The following CDC42EP3 variants were observed in gnomAD, a reference collection of about 807,000 sequenced individuals.
The protein encoded by CDC42EP3 is CDC42 effector protein (Rho GTPase binding) 3.
In CDC42EP3, 4 loss-of-function variants were observed where a neutral mutation model predicts 15.5. The ratio of observed to expected loss-of-function variants is 0.26; its 90% confidence interval spans 0.13 to 0.59. The LOEUF (loss-of-function observed/expected upper bound fraction) is 0.59. Ranked by LOEUF, CDC42EP3 falls within the 20% of genes least tolerant of loss-of-function variation. CDC42EP3 has a pLI of 0.89. For missense variants in CDC42EP3, 309 were observed against 311.2 expected, an observed-to-expected ratio of 0.99 and a Z score of 0.05; for synonymous variants, 145 against 130.3, an observed-to-expected ratio of 1.11 and a Z score of -0.77.
chr2:37,648,619 A>G (rs996922235), intron 1 of CDC42EP3, among the ~76,000 whole-genome samples: 3 of 152,216 alleles, frequency 2.0e-5, no homozygotes, highest in African/African-American at 7.2e-5. Flanking sequence ...AGAAAGTACG[A>G]GGAGGTTTGC....
At chr2:37,662,830 T>A (rs1435738790) in intron 1 of CDC42EP3, among the ~76,000 whole-genome samples, 1 of 152,208 alleles carries the variant, frequency 6.6e-6, no homozygotes, top group African/African-American at 2.4e-5. Flanking sequence ...GAGTGAGCCA[T>A]GTGCCTCTCG....
intron 1 of CDC42EP3, among the ~76,000 whole-genome samples, chr2:37,655,426 A>C (rs534236893): frequency 6.6e-6 from 1 of 152,358 alleles, no homozygotes; most frequent in South Asian, 2.1e-4. Flanking sequence ...TCTTAGAAGC[A>C]AAATTGGAAG....
rs183734740 is a variant in CDC42EP3, at chr2:37,645,238, T to G, written c.*585A>C. 6.5e-6 allele frequency: 1 copy of G among 152,690 alleles called. No individual in the cohort carries two copies. Among genetic ancestry groups the G allele is most frequent in the Admixed American group, 6.5e-5 (1 of 15,306 alleles). 9.5% of individuals were successfully genotyped at this position (152,690 alleles called of 1,614,324 possible). ...ATACTTTGCCTGTGTCTTACCAACA[T>G]GTAGCTGACAGTCAAAATTTTGCAA... On this transcript the variant is annotated 3_prime_UTR_variant, in exon 2 of 2. Transcript: ENST00000295324.
At chr2:37,663,072 G>A (rs13401243) in intron 1 of CDC42EP3, among the ~76,000 whole-genome samples, 1,946 of 152,356 alleles carry the variant, frequency 0.013, 32 homozygotes, top group African/African-American at 0.043. Context: ...GGCTGAGGCA[G>A]GAGAATCTCT....
rs1212167611 is a variant in CDC42EP3 at position 37,657,778 on chromosome 2, G to A, written c.-235-10956C>T. On this transcript the variant is annotated intron_variant, in intron 1 of 1. Transcript: ENST00000295324. ...CCCTATGCGATATTTGGCAATGTCT[G>A]GGAATATTGTGGGTTTTCGTGACTG... Among the ~76,000 whole-genome samples, 5 of 152,134 alleles carry A rather than the reference G, an allele frequency of 3.3e-5. No individual in the cohort carries two copies. In the South Asian group the frequency reaches 1.0e-3, roughly 32 times the overall value.
At chr2:37,669,171 C>T (rs914242600) in intron 1 of CDC42EP3, among the ~76,000 whole-genome samples, 3 of 149,704 alleles carry the variant, frequency 2.0e-5, no homozygotes, top group Admixed American at 6.7e-5. Flanking sequence ...AATTATATTC[C>T]ACCCACTGGA....
At position 37,646,115 on chromosome 2, in the gene CDC42EP3, C is replaced by G; in HGVS notation, c.473G>C (p.Ser158Thr). The G allele has an allele frequency of 6.2e-7, 1 of 1,614,230 alleles. No homozygotes were observed. Among genetic ancestry groups the G allele is most frequent in the Non-Finnish European group, 8.5e-7 (1 of 1,180,048 alleles). Residue 158 changes from serine to threonine, a missense_variant, in exon 2 of 2, where the codon AGT (serine) becomes ACT (threonine). Ser to Thr is a moderately conservative substitution (Grantham distance 58). Transcript: ENST00000295324. The part of the protein sequence containing the change: ...VMEEKAQEKS[S>T]LLENGTVHQG... ...GTGGACTGTCCCATTCTCCAACAGA[C>G]TGCTTTTCTCCTGAGCTTTTTCCTC... is the stretch of plus-strand genomic sequence containing the variant.
intron 1 of CDC42EP3, among the ~76,000 whole-genome samples, chr2:37,653,735 GATTA>G (rs927852412): frequency 2.7e-4 from 41 of 150,678 alleles, no homozygotes; most frequent in African/African-American, 6.4e-4. Context: ...ATTGTTTTTA[GATTA>G]ATTCTTAGTG....
At chr2:37,658,849 C>T (rs916918369) in intron 1 of CDC42EP3, among the ~76,000 whole-genome samples, 2 of 149,848 alleles carry the variant, frequency 1.3e-5, no homozygotes, top group Non-Finnish European at 3.0e-5. Flanking sequence ...CTCCCCGGTC[C>T]TTCCACCTTA....
chr2:37,663,351 G>A (rs1666139270), intron 1 of CDC42EP3, among the ~76,000 whole-genome samples: 2 of 152,172 alleles, frequency 1.3e-5, no homozygotes, highest in South Asian at 4.1e-4. Context: ...AGAGACTGAC[G>A]CTAATATAAC....
intron 1 of CDC42EP3, among the ~76,000 whole-genome samples, chr2:37,664,608 T>C (rs1312835874): frequency 6.6e-6 from 1 of 152,212 alleles, no homozygotes. Context: ...TGAGGAGATA[T>C]GCTACAGAAA....
intron 1 of CDC42EP3, among the ~76,000 whole-genome samples, chr2:37,665,339 G>A (rs1666217642): frequency 6.6e-6 from 1 of 151,044 alleles, no homozygotes; most frequent in Non-Finnish European, 1.5e-5. Context: ...GTGATGGGAT[G>A]GAGCCTGCCC....
intron 1 of CDC42EP3, 24 bp downstream of exon 1, chr2:37,671,402 G>A (rs1666414622): frequency 1.3e-5 from 2 of 152,442 alleles, no homozygotes; most frequent in South Asian, 2.1e-4. Context: ...AGAGAGGAAG[G>A]AGCCCTGGGC....
intron 1 of CDC42EP3, among the ~76,000 whole-genome samples, chr2:37,651,225 T>C (rs1665667355): frequency 6.6e-6 from 1 of 152,202 alleles, no homozygotes; most frequent in Non-Finnish European, 1.5e-5. Context: ...ATAGTGACTG[T>C]CCACAGAGAG....
chr2:37,646,119 T>A lies in CDC42EP3; in HGVS notation c.469A>T (p.Ser157Cys). 2 of 1,614,190 alleles carry A rather than the reference T, an allele frequency of 1.2e-6. No individual in the cohort carries two copies. Among genetic ancestry groups the A allele is most frequent in the Non-Finnish European group, 1.7e-6 (2 of 1,180,024 alleles). ...PVMEEKAQEK[S>C]SLLENGTVHQ... Reference sequence around the variant, plus strand: ...ACTGTCCCATTCTCCAACAGACTGCTTTTCTCCTGAGCTTTTTCCTCCATG... The same window carrying A: ...ACTGTCCCATTCTCCAACAGACTGCATTTCTCCTGAGCTTTTTCCTCCATG... Residue 157 changes from serine (S) to cysteine (C), a missense_variant, in exon 2 of 2, where the codon AGC (serine) becomes TGC (cysteine). Transcript: ENST00000295324.
intron 1 of CDC42EP3, among the ~76,000 whole-genome samples, chr2:37,669,801 G>A (rs1039090107): frequency 5.9e-5 from 9 of 152,196 alleles, no homozygotes; most frequent in African/African-American, 1.9e-4. Context: ...TGGGAAACCC[G>A]CATTCTTTGG....
In CDC42EP3 at chr2:37,644,530, T is replaced by C. The variant is rs1372380946; in HGVS notation, c.*1293A>G. 1 of 151,624 alleles carries C rather than the reference T, an allele frequency of 6.6e-6. No homozygotes were observed. Among genetic ancestry groups the C allele is most frequent in the Non-Finnish European group, 1.5e-5 (1 of 67,978 alleles). The allele number at this position is 151,624 out of a possible 1,614,324, so 9.4% of individuals were successfully genotyped here. ...TGAAAAGACATTTGCCTTACAGGGA[T>C]GAAACTGGACTTGCAAGAGTTTGCT... On this transcript the variant is annotated 3_prime_UTR_variant, in exon 2 of 2. Transcript: ENST00000295324.
rs547681646 is a variant in CDC42EP3, at chr2:37,663,322, A to AT, written c.-236+8103dup. On this transcript the variant is annotated intron_variant, in intron 1 of 1. Transcript: ENST00000295324. ...TATTCTAGAAGTTGAGGCCGCAGCAATGATGCACTCCACTGTGGAGAGACT... is the reference window on the plus strand; with the variant it reads ...TATTCTAGAAGTTGAGGCCGCAGCAATTGATGCACTCCACTGTGGAGAGACT... Among the ~76,000 whole-genome samples the AT allele has an allele frequency of 2.4e-4, 37 of 152,370 alleles. 1 individual carries two copies. The East Asian group carries it at 6.2e-3, about 25-fold the overall frequency.
intron 1 of CDC42EP3, among the ~76,000 whole-genome samples, chr2:37,652,789 G>A (rs933987297): frequency 6.6e-6 from 1 of 151,764 alleles, no homozygotes; most frequent in African/African-American, 2.4e-5. Context: ...GCCCAGGCTG[G>A]TCTTGAACTC....
Sources: gnomAD v4.1 joint callset for allele counts (sites outside exome capture counted in the v4.1 genomes callset) on GRCh38, gnomAD v4.1.1 for gene constraint, MANE v1.5 for transcripts, NCBI Gene and HGNC (gene_info 2026-07-23, HGNC 2026-07-21) for gene names.